The following NXPH1 variants were observed in gnomAD, a reference collection of about 807,000 sequenced individuals.
NXPH1 encodes neurexophilin-1.
In NXPH1, 5 loss-of-function variants were observed where a neutral mutation model predicts 23.7. That is an observed-to-expected ratio of 0.21 (90% confidence interval 0.11 to 0.44). The LOEUF is 0.44. Ranked by LOEUF, NXPH1 falls within the 20% of genes least tolerant of loss-of-function variation. The pLI is 0.99. For missense variants in NXPH1, 324 were observed against 321.6 expected (o/e 1.01, Z -0.06); for synonymous variants, 144 against 122.2 (o/e 1.18, Z -1.18).
chr7:8,529,481 A>C (rs1817918732), intron 2 of NXPH1, among the ~76,000 whole-genome samples: 1 of 152,168 alleles, frequency 6.6e-6, no homozygotes, highest in Admixed American at 6.5e-5. Context: ...AGTCATGATA[A>C]GGGTTCACAC....
At chr7:8,494,980 G>T (rs1817311514) in intron 2 of NXPH1, among the ~76,000 whole-genome samples, 2 of 152,018 alleles carry the variant, frequency 1.3e-5, no homozygotes, top group Admixed American at 6.6e-5. Flanking sequence ...GTAAAATGGG[G>T]ATAATATAGA....
intron 2 of NXPH1, among the ~76,000 whole-genome samples, chr7:8,657,044 T>G (rs1445311901): frequency 6.6e-6 from 1 of 152,246 alleles, no homozygotes; most frequent in African/African-American, 2.4e-5. Context: ...TCAGTGTTTA[T>G]TGTACTTCTA....
At chr7:8,669,898 T>G (rs1820839944) in intron 2 of NXPH1, among the ~76,000 whole-genome samples, 1 of 152,246 alleles carries the variant, frequency 6.6e-6, no homozygotes, top group Non-Finnish European at 1.5e-5. Flanking sequence ...TAAAAATATT[T>G]TCATGCAGGG....
chr7:8,526,598 G>C (rs962693785), intron 2 of NXPH1, among the ~76,000 whole-genome samples: 3 of 152,184 alleles, frequency 2.0e-5, no homozygotes, highest in Non-Finnish European at 4.4e-5. Flanking sequence ...GACCCAAGGG[G>C]AGGTAATTGA....
chr7:8,491,002 T>A lies in NXPH1; in HGVS notation c.54+55235T>A, dbSNP rs1268133175. On this transcript the variant is annotated intron_variant, in intron 2 of 2. Transcript: ENST00000405863. ...GACATTTTGACAGATGCTTATGATT[T>A]CTTGTAGTGACACCTGCGACACCTG... Among the ~76,000 whole-genome samples, 5 of 152,102 alleles carry A rather than the reference T, an allele frequency of 3.3e-5. No homozygotes were observed. In the East Asian group the frequency reaches 9.7e-4, roughly 29 times the overall value.
chr7:8,746,746 T>C (rs928826260), intron 2 of NXPH1, among the ~76,000 whole-genome samples: 2 of 152,204 alleles, frequency 1.3e-5, no homozygotes, highest in African/African-American at 4.8e-5. Flanking sequence ...AATACAATAT[T>C]GACTATAAGT....
At chr7:8,540,644 A>G (rs553100944) in intron 2 of NXPH1, among the ~76,000 whole-genome samples, 2 of 151,918 alleles carry the variant, frequency 1.3e-5, no homozygotes, top group South Asian at 4.1e-4. Context: ...AGAATTTCCA[A>G]GGTCTGCAGA....
At chr7:8,664,661 T>A (rs1480740884) in intron 2 of NXPH1, among the ~76,000 whole-genome samples, 4 of 152,090 alleles carry the variant, frequency 2.6e-5, no homozygotes, top group Admixed American at 6.6e-5. Context: ...TATTCCAGAG[T>A]TCTTTTTTCT....
intron 2 of NXPH1, among the ~76,000 whole-genome samples, chr7:8,519,519 A>G (rs1473928892): frequency 6.6e-6 from 1 of 152,210 alleles, no homozygotes; most frequent in Non-Finnish European, 1.5e-5. Context: ...CCAAGGAAAT[A>G]AAAGGACTAG....
At chr7:8,553,573 A>C (rs1425385061) in intron 2 of NXPH1, among the ~76,000 whole-genome samples, 1 of 151,548 alleles carries the variant, frequency 6.6e-6, no homozygotes, top group Non-Finnish European at 1.5e-5. Flanking sequence ...ATGGGTCTTA[A>C]AGGAATGGAG....
At chr7:8,655,431 T>A (rs1297146335) in intron 2 of NXPH1, among the ~76,000 whole-genome samples, 1,413 of 54,924 alleles carry the variant, frequency 0.026, 38 homozygotes, top group Admixed American at 0.1. Flanking sequence ...TCTCTCTCTC[T>A]CTCTCTCTCT....
At chr7:8,477,317 C>G (rs574642113) in intron 2 of NXPH1, among the ~76,000 whole-genome samples, 1 of 151,932 alleles carries the variant, frequency 6.6e-6, no homozygotes, top group Non-Finnish European at 1.5e-5. Flanking sequence ...TACCAATCCC[C>G]TGCTGTTCCG....
At chr7:8,607,025 G>A (rs888784001) in intron 2 of NXPH1, among the ~76,000 whole-genome samples, 6 of 151,866 alleles carry the variant, frequency 4.0e-5, no homozygotes, top group African/African-American at 1.5e-4. Flanking sequence ...ATATTTTATT[G>A]AATAATTTTA....
intron 2 of NXPH1, among the ~76,000 whole-genome samples, chr7:8,462,777 C>A (rs765581489): frequency 1.5e-4 from 23 of 152,140 alleles, no homozygotes; most frequent in Non-Finnish European, 3.2e-4. Context: ...GAGATGAATA[C>A]CTTTGCATAT....
intron 2 of NXPH1, among the ~76,000 whole-genome samples, chr7:8,454,652 T>A (rs1450984202): frequency 6.6e-6 from 1 of 152,100 alleles, no homozygotes; most frequent in Non-Finnish European, 1.5e-5. Context: ...AAATTACAAA[T>A]AAGTGCAAAA....
chr7:8,633,673 C>T (rs1820170389), intron 2 of NXPH1, among the ~76,000 whole-genome samples: 1 of 152,094 alleles, frequency 6.6e-6, no homozygotes, highest in Non-Finnish European at 1.5e-5. Context: ...AAAATAATTG[C>T]CAATTACCCA....
chr7:8,462,573 C>A lies in NXPH1; in HGVS notation c.54+26806C>A, dbSNP rs537477050. Among the ~76,000 whole-genome samples the A allele has an allele frequency of 2.0e-5, 3 of 152,302 alleles. No individual in the cohort carries two copies. In the South Asian group the frequency reaches 6.2e-4, roughly 32 times the overall value. ...TGAGATTCAAATGCAGGAAAGCTGG[C>A]TCCACAGACTGCTCTTAACTGCTAA... On this transcript the variant is annotated intron_variant, in intron 2 of 2. Coordinates refer to ENST00000405863, the MANE Select transcript of NXPH1 (RefSeq NM_152745.3).
chr7:8,735,946 A>G (rs1401958945), intron 2 of NXPH1, among the ~76,000 whole-genome samples: 1 of 152,102 alleles, frequency 6.6e-6, no homozygotes, highest in African/African-American at 2.4e-5. Context: ...GTATTCTCTA[A>G]TAGTAGTTTG....
chr7:8,562,462 C>A (rs1460870128), intron 2 of NXPH1, among the ~76,000 whole-genome samples: 3 of 151,014 alleles, frequency 2.0e-5, no homozygotes, highest in Non-Finnish European at 4.4e-5. Flanking sequence ...GATTAACTTA[C>A]TTTCCTTTTC....
Sources: allele counts gnomAD v4.1 joint callset (sites outside exome capture counted in the v4.1 genomes callset), GRCh38; gene constraint gnomAD v4.1.1; transcripts MANE v1.5; gene names NCBI Gene and HGNC (gene_info 2026-07-23, HGNC 2026-07-21).